SEMA3D: variants seen among roughly 807,000 people sequenced by gnomAD.
SEMA3D encodes the protein semaphorin 3D.
Under a neutral mutation model 100.1 loss-of-function variants are expected in SEMA3D, and 84 were observed. That is an observed-to-expected ratio of 0.84 (90% CI 0.70 to 1.01). The LOEUF is 1.01. Ranked by LOEUF, SEMA3D falls within the 50% of genes least tolerant of loss-of-function variation. The pLI, the probability that SEMA3D is intolerant of heterozygous loss-of-function variation, is 0.00. For synonymous variants in SEMA3D, 312 were observed against 320.7 expected (o/e 0.97, Z 0.29); for missense variants, 875 against 934.1 (o/e 0.94, Z 0.82).
rs1338245781 is a variant in SEMA3D, at chr7:85,040,745, A to G, written c.977-3T>C. 7.9e-7 allele frequency: 1 copy of G among 1,264,954 alleles called. No homozygotes were observed. Among genetic ancestry groups the G allele is most frequent in the Admixed American group, 1.7e-5 (1 of 57,272 alleles). The allele number at this position is 1,264,954 out of a possible 1,614,324, so 78.4% of individuals were successfully genotyped here. A position where few individuals can be genotyped will look rare whatever the true frequency, so the allele number is the denominator to read the frequency against. ...TGTGGGGAGTAAATAAATATCTTCT[A>G]TTAAAGGGGAAAAATAAATATTTAC... On this transcript the variant is annotated splice_region_variant and splice_polypyrimidine_tract_variant and intron_variant, in intron 10 of 18. Transcript: ENST00000284136.
chr7:85,058,880 C>CAAA (rs137911293), intron 8 of SEMA3D, among the ~76,000 whole-genome samples: 2 of 147,170 alleles, frequency 1.4e-5, no homozygotes, highest in Non-Finnish European at 3.0e-5. Context: ...GAATTTAGTG[C>CAAA]AAAAAAAAAG....
intron 5 of SEMA3D, among the ~76,000 whole-genome samples, chr7:85,075,718 C>G (rs1010614064): frequency 6.6e-6 from 1 of 152,184 alleles, no homozygotes; most frequent in Non-Finnish European, 1.5e-5. Flanking sequence ...GTTCTCTAAG[C>G]AGCCTAGAGG....
At chr7:85,227,207 T>A in the SEMA3D span, among the ~76,000 whole-genome samples, 1 of 152,202 alleles carries the variant, frequency 6.6e-6, no homozygotes, top group African/African-American at 2.4e-5. Context: ...TGTAAGAACA[T>A]AATAAAAATA....
the SEMA3D span, among the ~76,000 whole-genome samples, chr7:85,232,457 T>C: frequency 1.3e-5 from 2 of 152,186 alleles, no homozygotes; most frequent in Non-Finnish European, 2.9e-5. Context: ...AAAAAGGTGG[T>C]GGCAGTGTAG....
intron 2 of SEMA3D, chr7:85,143,162 T>C (rs948528263): frequency 7.1e-6 from 7 of 982,160 alleles, no homozygotes; most frequent in Non-Finnish European, 6.0e-6. Context: ...TGATATGACA[T>C]GGTACCTGCA....
rs373627793 is a variant in SEMA3D at position 85,102,745 on chromosome 7, G to A, written c.152-4780C>T. Among the ~76,000 whole-genome samples, 35 of 152,148 alleles carry A rather than the reference G, an allele frequency of 2.3e-4. 1 individual carries two copies. Among genetic ancestry groups the A allele is most frequent in the East Asian group, 1.2e-3 (6 of 5,144 alleles). On this transcript the variant is annotated intron_variant, in intron 3 of 18. Transcript: ENST00000284136. ...TGGTGAATCCCTGAATTACGGCAAT[G>A]AGAGGAGGAAAATGTTTAAGAGCTG...
At chr7:85,223,465 T>C in the SEMA3D span, among the ~76,000 whole-genome samples, 1 of 151,856 alleles carries the variant, frequency 6.6e-6, no homozygotes, top group African/African-American at 2.4e-5. Flanking sequence ...ATTGCAAAAA[T>C]ATGGAACTAG....
the SEMA3D span, among the ~76,000 whole-genome samples, chr7:85,216,941 G>A: frequency 0.034 from 5,097 of 151,646 alleles, 170 homozygotes; most frequent in Non-Finnish European, 0.048. Flanking sequence ...AGTCTCCGTG[G>A]TCATTAAATT....
At chr7:85,241,998 C>G in the SEMA3D span, among the ~76,000 whole-genome samples, 1 of 151,722 alleles carries the variant, frequency 6.6e-6, no homozygotes, top group Admixed American at 6.6e-5. Context: ...CTATGGAGAA[C>G]AGTTTGGAGG....
the SEMA3D span, among the ~76,000 whole-genome samples, chr7:85,246,016 T>C: frequency 6.6e-6 from 1 of 152,092 alleles, no homozygotes; most frequent in African/African-American, 2.4e-5. Flanking sequence ...AACATATGGA[T>C]AAAAACCACA....
At chr7:85,033,851 A>G (rs566077896) in intron 12 of SEMA3D, among the ~76,000 whole-genome samples, 1 of 129,250 alleles carries the variant, frequency 7.7e-6, no homozygotes, top group African/African-American at 3.1e-5. Flanking sequence ...AATTTTAATC[A>G]CACACATACA....
chr7:85,013,172 G>A (rs1018366141), intron 16 of SEMA3D, among the ~76,000 whole-genome samples: 63 of 151,608 alleles, frequency 4.2e-4, no homozygotes, highest in African/African-American at 1.5e-3. Flanking sequence ...TTAAAATGAG[G>A]ATAGCTACTC....
chr7:85,162,773 A>T lies in SEMA3D; in HGVS notation c.-172-9034T>A, dbSNP rs141508464. Among the ~76,000 whole-genome samples, 5 of 152,262 alleles carry T rather than the reference A, an allele frequency of 3.3e-5. No individual in the cohort carries two copies. In the East Asian group the frequency reaches 9.7e-4, roughly 29 times the overall value. ...GAAAACAAGCATATGCACAAAAAGA[A>T]ACTTGACAACGTCTTCCTAAATGCA... is the stretch of plus-strand genomic sequence containing the variant. On this transcript the variant is annotated intron_variant, in intron 1 of 18. Transcript: ENST00000284136.
rs934145055 is a variant in SEMA3D at position 85,151,628 on chromosome 7, T to C, written c.-41+1980A>G. 1.1e-5 allele frequency: 10 copies of C among 877,046 alleles called. No homozygotes were observed. In the African/African-American group the frequency reaches 1.6e-4, roughly 14 times the overall value. 54.3% of individuals were successfully genotyped at this position (877,046 alleles called of 1,614,324 possible). ...GTGTGTGTGTGTGTGTGTGTGTGTG[T>C]GTGATCAAGGTATGCAATTCTCAGT... On this transcript the variant is annotated intron_variant, in intron 2 of 18. Transcript: ENST00000284136.
intron 12 of SEMA3D, among the ~76,000 whole-genome samples, chr7:85,033,320 C>T (rs1329704818): frequency 3.3e-5 from 5 of 152,142 alleles, no homozygotes; most frequent in South Asian, 2.1e-4. Context: ...TTCCTACTTT[C>T]GGGGAGTCTC....
intron 2 of SEMA3D, among the ~76,000 whole-genome samples, chr7:85,151,201 A>T (rs1272301168): frequency 6.6e-6 from 1 of 151,806 alleles, no homozygotes; most frequent in Non-Finnish European, 1.5e-5. Context: ...TGCTGCAAAA[A>T]CCCTATGTAA....
At chr7:85,113,963 C>T (rs558463674) in intron 3 of SEMA3D, among the ~76,000 whole-genome samples, 2 of 152,120 alleles carry the variant, frequency 1.3e-5, no homozygotes, top group South Asian at 2.1e-4. Context: ...ATTTTTAAAA[C>T]CAATATTATT....
chr7:85,104,891 G>A (rs1267528576), intron 3 of SEMA3D, among the ~76,000 whole-genome samples: 1 of 151,982 alleles, frequency 6.6e-6, no homozygotes, highest in African/African-American at 2.4e-5. Context: ...CTTTGGAGAA[G>A]CTTAACTTCC....
At chr7:85,132,460 A>T (rs887088381) in intron 2 of SEMA3D, among the ~76,000 whole-genome samples, 3 of 151,920 alleles carry the variant, frequency 2.0e-5, no homozygotes, top group African/African-American at 7.2e-5. Flanking sequence ...AAATTACTAT[A>T]TTTGTAGCAT....
Sources: allele counts gnomAD v4.1 joint callset (sites outside exome capture counted in the v4.1 genomes callset), GRCh38; gene constraint gnomAD v4.1.1; transcripts MANE v1.5; gene names NCBI Gene and HGNC (gene_info 2026-07-23, HGNC 2026-07-21).